ARID4B: variants seen among roughly 807,000 people sequenced by gnomAD.
ARID4B encodes the protein AT-rich interactive domain-containing protein 4B.
In ARID4B, 26 loss-of-function variants were observed where a neutral mutation model predicts 147.5. That is an observed-to-expected ratio of 0.18 (90% CI 0.13 to 0.24). The LOEUF is 0.24. Among genes scored for constraint, ARID4B ranks in the 10% least tolerant of loss-of-function variants. The pLI, the probability that ARID4B is intolerant of heterozygous loss-of-function variation, is 1.00. For synonymous variants in ARID4B, 512 were observed against 507.9 expected, an observed-to-expected ratio of 1.01 and a Z score of -0.11; for missense variants, 1,179 against 1,511.5, an observed-to-expected ratio of 0.78 and a Z score of 3.65.
chr1:235,279,023 C>T (rs1671506209), intron 2 of ARID4B, among the ~76,000 whole-genome samples: 1 of 152,110 alleles, frequency 6.6e-6, no homozygotes, highest in Admixed American at 6.5e-5. Context: ...GTGGTCCACC[C>T]ACCTCAGCCT....
At chr1:235,176,115 T>TA (rs1663849070) in intron 21 of ARID4B, among the ~76,000 whole-genome samples, 1 of 152,158 alleles carries the variant, frequency 6.6e-6, no homozygotes, top group Admixed American at 6.6e-5. Flanking sequence ...TCTTTCTGGA[T>TA]ACAAAGTATT....
chr1:235,226,284 A>G (rs1187633224), intron 11 of ARID4B, among the ~76,000 whole-genome samples: 2 of 152,214 alleles, frequency 1.3e-5, no homozygotes, highest in Admixed American at 6.5e-5. Flanking sequence ...AGGAACTTAC[A>G]AATTCGTGGG....
At chr1:235,221,115 C>T (rs931862553) in intron 14 of ARID4B, among the ~76,000 whole-genome samples, 4 of 152,200 alleles carry the variant, frequency 2.6e-5, no homozygotes, top group African/African-American at 9.6e-5. Flanking sequence ...CCAGGCTGGT[C>T]TTGAACTCCT....
intron 6 of ARID4B, among the ~76,000 whole-genome samples, chr1:235,250,657 A>C (rs1235355391): frequency 6.6e-6 from 1 of 152,144 alleles, no homozygotes; most frequent in African/African-American, 2.4e-5. Context: ...GGTACCTAGC[A>C]CTACACAGCT....
At chr1:235,179,874 T>C (rs1664176083) in intron 20 of ARID4B, among the ~76,000 whole-genome samples, 1 of 151,798 alleles carries the variant, frequency 6.6e-6, no homozygotes, top group African/African-American at 2.4e-5. Flanking sequence ...ATAGAGACCA[T>C]CCTGGCTAAC....
At chr1:235,324,274 G>A (rs995440660) in intron 2 of ARID4B, among the ~76,000 whole-genome samples, 5 of 152,004 alleles carry the variant, frequency 3.3e-5, no homozygotes, top group African/African-American at 9.7e-5. Context: ...CCAACATCAC[G>A]ATCTATGTTA....
At chr1:235,277,047 A>G (rs1196187577) in intron 2 of ARID4B, among the ~76,000 whole-genome samples, 1 of 152,040 alleles carries the variant, frequency 6.6e-6, no homozygotes, top group African/African-American at 2.4e-5. Flanking sequence ...TTTTGCCAAG[A>G]AAAACCCTGA....
At chr1:235,236,833 A>AATATATATATATATAT (rs1553299956) in intron 8 of ARID4B, among the ~76,000 whole-genome samples, 1 of 33,520 alleles carries the variant, frequency 3.0e-5, no homozygotes. Flanking sequence ...TTTTATAAAA[A>AATATATATATATATAT]ATATATATAT....
At chr1:235,304,125 G>T (rs1318423154) in intron 2 of ARID4B, among the ~76,000 whole-genome samples, 1 of 152,172 alleles carries the variant, frequency 6.6e-6, no homozygotes, top group Admixed American at 6.5e-5. Context: ...GGAAGGCTGC[G>T]GTGGACAGAT....
intron 2 of ARID4B, among the ~76,000 whole-genome samples, chr1:235,323,131 C>T (rs758175344): frequency 4.0e-4 from 61 of 151,718 alleles, no homozygotes; most frequent in Admixed American, 6.6e-4. Context: ...ACCTCCACCT[C>T]CTAGGTTCAA....
chr1:235,253,961 A>C lies in ARID4B; in HGVS notation c.275-1152T>G, dbSNP rs143437688. On this transcript the variant is annotated intron_variant, in intron 5 of 23. Coordinates refer to ENST00000264183, the MANE Select transcript of ARID4B (RefSeq NM_016374.6). ...CCAATACCCTTTCCTTACTGGCTGA[A>C]CTAAAATTAGATTCTTATACGTTAC... 4.4e-3 allele frequency among the ~76,000 whole-genome samples: 664 copies of C among 152,292 alleles called. 4 individuals are homozygous for C. Among genetic ancestry groups the C allele is most frequent in the Non-Finnish European group, 6.9e-3 (467 of 67,980 alleles).
At chr1:235,218,233 T>C (rs1231352987) in intron 16 of ARID4B, among the ~76,000 whole-genome samples, 4 of 152,098 alleles carry the variant, frequency 2.6e-5, no homozygotes, top group Non-Finnish European at 4.4e-5. Flanking sequence ...AAATTTTAGT[T>C]TGAGGTACGC....
chr1:235,267,763 G>A (rs984090280), intron 2 of ARID4B, among the ~76,000 whole-genome samples: 3 of 152,082 alleles, frequency 2.0e-5, no homozygotes, highest in African/African-American at 7.2e-5. Context: ...AAGTAGCCGG[G>A]CATGGTGGTG....
intron 11 of ARID4B, among the ~76,000 whole-genome samples, chr1:235,226,598 T>C (rs1410217659): frequency 6.6e-6 from 1 of 151,998 alleles, no homozygotes. Flanking sequence ...CTCGGCTCAC[T>C]GCAAGCTCCG....
chr1:235,286,517 G>A (rs370945632), intron 2 of ARID4B, among the ~76,000 whole-genome samples: 141 of 152,268 alleles, frequency 9.3e-4, no homozygotes, highest in African/African-American at 3.2e-3. Flanking sequence ...GAAGAAGGAC[G>A]TAAATCTATC....
At chr1:235,252,032 T>C (rs974126265) in intron 6 of ARID4B, among the ~76,000 whole-genome samples, 67 of 152,282 alleles carry the variant, frequency 4.4e-4, no homozygotes, top group African/African-American at 1.5e-3. Context: ...AATACAATAA[T>C]GTATGTAAAG....
chr1:235,301,308 C>T (rs891554904), intron 2 of ARID4B, among the ~76,000 whole-genome samples: 14 of 151,624 alleles, frequency 9.2e-5, no homozygotes, highest in East Asian at 2.0e-4. Flanking sequence ...GAGGCCAAGG[C>T]GGGAGAATCG....
chr1:235,195,588 T>C (rs1189714917), intron 18 of ARID4B, among the ~76,000 whole-genome samples: 1 of 146,136 alleles, frequency 6.8e-6, no homozygotes, highest in Non-Finnish European at 1.5e-5. Flanking sequence ...CGAGACTCTG[T>C]CTCCAAAAAA....
intron 2 of ARID4B, among the ~76,000 whole-genome samples, chr1:235,277,640 GTT>G (rs1671424927): frequency 1.4e-5 from 1 of 72,840 alleles, no homozygotes; most frequent in African/African-American, 5.0e-5. Flanking sequence ...GTGTGTGTGT[GTT>G]TCATTGGTTT....
Sources: allele counts gnomAD v4.1 joint callset (sites outside exome capture counted in the v4.1 genomes callset), GRCh38; gene constraint gnomAD v4.1.1; transcripts MANE v1.5; gene names NCBI Gene and HGNC (gene_info 2026-07-23, HGNC 2026-07-21).